SNRPA: variants seen among roughly 807,000 people sequenced by gnomAD.
The protein encoded by SNRPA is small nuclear ribonucleoprotein polypeptide A.
Under a neutral mutation model 24.5 loss-of-function variants are expected in SNRPA, and 10 were observed. The ratio of observed to expected loss-of-function variants is 0.41; its 90% CI spans 0.25 to 0.69. The LOEUF is 0.69. SNRPA is among the 30% of genes least tolerant of loss of function. SNRPA has a pLI of 0.33. For synonymous variants in SNRPA, 165 were observed against 148.4 expected (o/e 1.11, Z -0.81); for missense variants, 283 against 394.7 (o/e 0.72, Z 2.40).
At chr19:40,752,903 A>G (rs953086209) in intron 1 of SNRPA, among the ~76,000 whole-genome samples, 30 of 152,216 alleles carry the variant, frequency 2.0e-4, no homozygotes, top group African/African-American at 7.2e-4. Context: ...GGGGAGATTA[A>G]ATTAGCTAAA....
intron 1 of SNRPA, among the ~76,000 whole-genome samples, chr19:40,753,398 T>TTTTTTTTTG (rs1269729127): frequency 3.5e-5 from 4 of 115,086 alleles, no homozygotes; most frequent in Non-Finnish European, 7.6e-5. Context: ...TTTTTTTTTT[T>TTTTTTTTTG]TTTTTTTTTT....
intron 5 of SNRPA, among the ~76,000 whole-genome samples, chr19:40,764,801 T>G (rs2082947401): frequency 6.6e-6 from 1 of 152,154 alleles, no homozygotes; most frequent in South Asian, 2.1e-4. Context: ...GCATGGGTGT[T>G]TGTGTTTAAA....
chr19:40,756,511 G>A (rs1048050415), intron 1 of SNRPA, among the ~76,000 whole-genome samples: 5 of 151,372 alleles, frequency 3.3e-5, no homozygotes, highest in East Asian at 3.9e-4. Context: ...TGGGAGGACC[G>A]CTTGAGTCCG....
chr19:40,759,218 AAAG>A, intron 2 of SNRPA, among the ~76,000 whole-genome samples: 1 of 151,218 alleles, frequency 6.6e-6, no homozygotes, highest in Non-Finnish European at 1.5e-5. Flanking sequence ...AAAAAAAAAA[AAAG>A]AAAAGAAACA....
Position 40,765,235 on chromosome 19 carries a change from C to T in SNRPA, c.*68C>T, listed in dbSNP as rs2082949221. 4 of 1,216,896 alleles carry T rather than the reference C, an allele frequency of 3.3e-6. No homozygotes were observed. The highest frequency in any genetic ancestry group is 4.4e-6 in the Non-Finnish European group (4 of 917,128). The allele number at this position is 1,216,896 out of a possible 1,614,324, so 75.4% of individuals were successfully genotyped here. A position where few individuals can be genotyped will look rare whatever the true frequency, so the allele number is the denominator to read the frequency against. ...CACCCCTTTCCCCCTTGGCTCAGCC[C>T]CCTGAAGGTAAGTCCCCCCTTGGGG... is the stretch of plus-strand genomic sequence containing the variant. On this transcript the variant is annotated 3_prime_UTR_variant, in exon 6 of 6. Coordinates refer to ENST00000243563, the MANE Select transcript of SNRPA (RefSeq NM_004596.5).
chr19:40,759,770 A>C (rs1471837881), intron 3 of SNRPA, 160 bp downstream of exon 3: 1 of 598,140 alleles, frequency 1.7e-6, no homozygotes, highest in Non-Finnish European at 2.8e-6. Flanking sequence ...TTTGGGGGGT[A>C]TTGAGCACCT....
chr19:40,765,159 A>G lies in SNRPA; in HGVS notation c.841A>G (p.Lys281Glu). The change falls in exon 6 of 6, where the codon AAG becomes GAG. Residue 281 changes from lysine (K) to glutamate (E), a missense_variant. Transcript: ENST00000243563. ...QNNAMKISFA[K>E]K ...CAACGCCATGAAGATCTCCTTTGCC[A>G]AGAAGTAGCACCTTTTCCCCCCATG... The G allele has an allele frequency of 6.5e-7, 1 of 1,535,398 alleles. No individual in the cohort carries two copies. The highest frequency in any genetic ancestry group is 8.8e-7 in the Non-Finnish European group (1 of 1,139,454).
chr19:40,763,958 C>T (rs1568486250), intron 5 of SNRPA, among the ~76,000 whole-genome samples: 1 of 152,182 alleles, frequency 6.6e-6, no homozygotes, highest in Non-Finnish European at 1.5e-5. Flanking sequence ...ATTTTCCCAG[C>T]CCCTAAAATG....
intron 2 of SNRPA, 24 bp from the exon 3 acceptor site, chr19:40,759,407 C>G: frequency 1.3e-6 from 2 of 1,595,060 alleles, no homozygotes; most frequent in South Asian, 1.1e-5. Context: ...ACGCTCTTAA[C>G]CCGTTCTGCT....
intron 1 of SNRPA, among the ~76,000 whole-genome samples, chr19:40,753,380 ATATGTTTT>A (rs1568483720): frequency 1.2e-5 from 1 of 86,464 alleles, no homozygotes; most frequent in African/African-American, 4.8e-5. Flanking sequence ...TAAATTTTGC[ATATGTTTT>A]TTTTTTTTTT....
At position 40,765,158 on chromosome 19, in the gene SNRPA, C is replaced by A; in HGVS notation, c.840C>A (p.Ala280=). 1 of 1,531,198 alleles carries A rather than the reference C, an allele frequency of 6.5e-7. No individual in the cohort carries two copies. Among genetic ancestry groups the A allele is most frequent in the South Asian group, 1.2e-5 (1 of 80,540 alleles). The allele number at this position is 1,531,198 out of a possible 1,614,324, so 94.9% of individuals were successfully genotyped here. ...ACAACGCCATGAAGATCTCCTTTGC[C>A]AAGAAGTAGCACCTTTTCCCCCCAT... ...TQNNAMKISF[A]KK The change falls in exon 6 of 6, where the codon GCC becomes GCA. Residue 280 remains alanine (A), a synonymous_variant. Transcript: ENST00000243563.
In SNRPA at chr19:40,764,549, G is replaced by A. The variant is rs142926463; in HGVS notation, c.690-459G>A. 6.9e-4 allele frequency among the ~76,000 whole-genome samples: 105 copies of A among 152,254 alleles called. 5 individuals carry two copies. In the East Asian group the frequency reaches 0.01, roughly 15 times the overall value. On this transcript the variant is annotated intron_variant, in intron 5 of 5. Transcript: ENST00000243563. ...ATATCAGAAAAGTGAGGGTAAGGCC[G>A]GGTGCGGTGGCTCACGCCTAAAATC...
At chr19:40,759,680 A>G in intron 3 of SNRPA, 70 bp downstream of exon 3, 1 of 1,437,050 alleles carries the variant, frequency 7.0e-7, no homozygotes. Context: ...TGGCTTTGGG[A>G]CAGGGTGGGG....
chr19:40,752,324 C>G (rs905180723), intron 1 of SNRPA, among the ~76,000 whole-genome samples: 13 of 150,100 alleles, frequency 8.7e-5, no homozygotes, highest in Admixed American at 1.3e-4. Flanking sequence ...GCAACAAGAG[C>G]GAAACTCCGT....
At chr19:40,756,647 T>TGGCATAGCACATA (rs1657805260) in intron 1 of SNRPA, among the ~76,000 whole-genome samples, 1 of 151,126 alleles carries the variant, frequency 6.6e-6, no homozygotes, top group Admixed American at 6.6e-5. Flanking sequence ...CTTGGCATAC[T>TGGCATAGCACATA]GCAGTAAACA....
intron 1 of SNRPA, among the ~76,000 whole-genome samples, chr19:40,753,687 A>G (rs1291049347): frequency 6.6e-6 from 1 of 151,356 alleles, no homozygotes; most frequent in Non-Finnish European, 1.5e-5. Context: ...GTGAGCCACC[A>G]CACCCGGCCT....
At chr19:40,763,107 A>G (rs543912444) in intron 4 of SNRPA, 33 bp downstream of exon 4, 2 of 1,489,044 alleles carry the variant, frequency 1.3e-6, no homozygotes, top group South Asian at 2.6e-5. Flanking sequence ...CAGGTCTCAT[A>G]TAAATAGTGA....
chr19:40,753,992 G>C (rs1000771966), intron 1 of SNRPA, among the ~76,000 whole-genome samples: 2 of 151,600 alleles, frequency 1.3e-5, no homozygotes, highest in Admixed American at 1.3e-4. Context: ...TAGTAGAGAA[G>C]GGGTTTAACC....
chr19:40,764,293 C>T (rs2082945312), intron 5 of SNRPA, among the ~76,000 whole-genome samples: 1 of 152,110 alleles, frequency 6.6e-6, no homozygotes, highest in Non-Finnish European at 1.5e-5. Flanking sequence ...TCTCACCATG[C>T]TGCACTGCGT....
Sources: allele counts gnomAD v4.1 joint callset (sites outside exome capture counted in the v4.1 genomes callset), GRCh38; gene constraint gnomAD v4.1.1; transcripts MANE v1.5; gene names NCBI Gene and HGNC (gene_info 2026-07-23, HGNC 2026-07-21).